FAM221A: variants seen among roughly 807,000 people sequenced by gnomAD.
The protein encoded by FAM221A is family with sequence similarity 221 member A, also known as protein FAM221A.
FAM221A carries 43 observed loss-of-function variants against 37.6 expected under a neutral mutation model. The ratio of observed to expected loss-of-function variants is 1.15; its 90% CI spans 0.90 to 1.48. The LOEUF is 1.48. FAM221A is among the 40% of genes most tolerant of loss of function. The probability of loss-of-function intolerance (pLI) is 0.00; values close to 1 mark genes in which losing one functional copy is unlikely to be tolerated. For missense variants in FAM221A, 361 were observed against 361.5 expected (o/e 1.00, Z 0.01); for synonymous variants, 135 against 132.9 (o/e 1.02, Z -0.11).
intron 6 of FAM221A, among the ~76,000 whole-genome samples, chr7:23,701,239 T>TC: frequency 4.1e-5 from 1 of 24,604 alleles, no homozygotes; most frequent in African/African-American, 9.7e-5. Flanking sequence ...TTGAATTCTC[T>TC]TTTTTTTTTT....
At chr7:23,699,005 T>A (rs1785229439) in intron 5 of FAM221A, among the ~76,000 whole-genome samples, 1 of 152,172 alleles carries the variant, frequency 6.6e-6, no homozygotes, top group Non-Finnish European at 1.5e-5. Context: ...TTGACTGAGT[T>A]TAGTGGCAGC....
chr7:23,691,266 G>T, intron 3 of FAM221A, 124 bp from the exon 4 acceptor site: 1 of 782,940 alleles, frequency 1.3e-6, no homozygotes, highest in Non-Finnish European at 2.1e-6. Context: ...GAGTTCGGTG[G>T]CTGGAGGTAA....
At chr7:23,692,802 T>G in intron 4 of FAM221A, 1 of 871,704 alleles carries the variant, frequency 1.1e-6, no homozygotes, top group Non-Finnish European at 1.4e-6. Context: ...TAACATACAA[T>G]TTTACTATTT....
At chr7:23,689,537 G>C in intron 3 of FAM221A, 78 bp downstream of exon 3, 1 of 1,087,994 alleles carries the variant, frequency 9.2e-7, no homozygotes, top group Non-Finnish European at 1.3e-6. Flanking sequence ...CTTTTTTACT[G>C]GTTGTAGAGT....
chr7:23,701,500 A>T (rs1421014048), intron 6 of FAM221A, among the ~76,000 whole-genome samples: 2 of 152,128 alleles, frequency 1.3e-5, no homozygotes. Context: ...CGGCCTCGCA[A>T]AGTGCTGGGA....
At chr7:23,688,135 C>T (rs1030198167) in intron 2 of FAM221A, 2 of 151,928 alleles carry the variant, frequency 1.3e-5, no homozygotes, top group African/African-American at 4.8e-5. Context: ...AGCTCCGCCT[C>T]CCGGGTTCAC....
chr7:23,700,901 C>A, intron 6 of FAM221A, 33 bp downstream of exon 6: 2 of 1,340,672 alleles, frequency 1.5e-6, no homozygotes, highest in East Asian at 2.3e-5. Context: ...TTGCACTAAG[C>A]ATTTACTTGT....
At chr7:23,696,261 C>T (rs1020656902) in intron 4 of FAM221A, among the ~76,000 whole-genome samples, 1 of 121,632 alleles carries the variant, frequency 8.2e-6, no homozygotes, top group Non-Finnish European at 1.9e-5. Flanking sequence ...AAAAATATGG[C>T]ATAAAAAATA....
At chr7:23,686,024 G>A (rs377173911) in intron 2 of FAM221A, among the ~76,000 whole-genome samples, 6 of 152,152 alleles carry the variant, frequency 3.9e-5, no homozygotes, top group African/African-American at 1.2e-4. Context: ...AAGTTTGTTA[G>A]GCAGTTGCTA....
At chr7:23,691,281 T>TA in intron 3 of FAM221A, 109 bp from the exon 4 acceptor site, 1 of 976,408 alleles carries the variant, frequency 1.0e-6, no homozygotes, top group Non-Finnish European at 1.6e-6. Flanking sequence ...AGGTAAGAGT[T>TA]ACAGGGGCCA....
chr7:23,696,533 C>T (rs920838158), intron 4 of FAM221A, among the ~76,000 whole-genome samples: 6 of 152,188 alleles, frequency 3.9e-5, no homozygotes, highest in Non-Finnish European at 8.8e-5. Context: ...CATTGCCCTC[C>T]AGCCTGGGTG....
intron 4 of FAM221A, among the ~76,000 whole-genome samples, chr7:23,696,897 A>T (rs1323206305): frequency 6.6e-6 from 1 of 152,174 alleles, no homozygotes; most frequent in Non-Finnish European, 1.5e-5. Flanking sequence ...GGAGCCCATA[A>T]TTCCCAGCTC....
intron 4 of FAM221A, among the ~76,000 whole-genome samples, chr7:23,695,384 A>G (rs1026311547): frequency 2.6e-5 from 4 of 152,104 alleles, no homozygotes; most frequent in Non-Finnish European, 4.4e-5. Flanking sequence ...GTTTATTTCT[A>G]GGTATTTAAC....
At chr7:23,697,464 T>C (rs1170675877) in intron 4 of FAM221A, among the ~76,000 whole-genome samples, 2 of 152,238 alleles carry the variant, frequency 1.3e-5, no homozygotes, top group East Asian at 1.9e-4. Flanking sequence ...GAGTTGTGGA[T>C]GTTTCCTCAT....
chr7:23,693,553 G>T (rs1784870540), intron 4 of FAM221A: 2 of 146,148 alleles, frequency 1.4e-5, no homozygotes, highest in South Asian at 2.2e-4. Flanking sequence ...TATTTATTTT[G>T]CAAACATTTT....
At chr7:23,682,979 G>C (rs978186529) in intron 1 of FAM221A, among the ~76,000 whole-genome samples, 12 of 152,148 alleles carry the variant, frequency 7.9e-5, no homozygotes, top group African/African-American at 2.7e-4. Context: ...TTTATGTAAA[G>C]AAGGCGGTTT....
At position 23,701,236 on chromosome 7, in the gene FAM221A, C is replaced by CTT. The variant is rs1283939718; in HGVS notation, c.828+369_828+370insTT. ...ATAAAGATTGAATATATTTTGAATTCTCTTTTTTTTTTTTTTTTTTTGAGA... is the reference window on the plus strand; with the variant it reads ...ATAAAGATTGAATATATTTTGAATTCTTTCTTTTTTTTTTTTTTTTTTTGAGA... On this transcript the variant is annotated intron_variant, in intron 6 of 6. Coordinates refer to ENST00000344962, the MANE Select transcript of FAM221A (RefSeq NM_199136.5). 1.6e-3 allele frequency among the ~76,000 whole-genome samples: 116 copies of CTT among 72,738 alleles called. 3 individuals carry two copies. The highest frequency in any genetic ancestry group is 3.1e-3 in the African/African-American group (68 of 22,222). The allele number at this position is 72,738 out of a possible 152,430, so 47.7% of individuals were successfully genotyped here. A position where few individuals can be genotyped will look rare whatever the true frequency, so the allele number is the denominator to read the frequency against.
chr7:23,682,195 A>G (rs1022816467), intron 1 of FAM221A, among the ~76,000 whole-genome samples: 6 of 151,208 alleles, frequency 4.0e-5, no homozygotes, highest in Admixed American at 4.0e-4. Flanking sequence ...CCTCCTAACT[A>G]GCTAGGACTA....
chr7:23,696,076 A>G (rs1449359172), intron 4 of FAM221A, among the ~76,000 whole-genome samples: 1 of 152,220 alleles, frequency 6.6e-6, no homozygotes, highest in East Asian at 1.9e-4. Flanking sequence ...CATAGAGTGT[A>G]CTTACATAAA....
Sources: gnomAD v4.1 joint callset for allele counts (sites outside exome capture counted in the v4.1 genomes callset) on GRCh38, gnomAD v4.1.1 for gene constraint, MANE v1.5 for transcripts, NCBI Gene and HGNC (gene_info 2026-07-23, HGNC 2026-07-21) for gene names.